The following CNOT6L variants were observed in gnomAD, a reference collection of about 807,000 sequenced individuals.
CNOT6L encodes CCR4-NOT transcription complex subunit 6 like.
A neutral mutation model predicts 64.0 loss-of-function variants in CNOT6L; 7 were observed. That is an observed-to-expected ratio of 0.11 (90% CI 0.06 to 0.21). The LOEUF (loss-of-function observed/expected upper bound fraction) is 0.21. Ranked by LOEUF, CNOT6L falls within the 10% of genes least tolerant of loss-of-function variation. The pLI is 1.00. For synonymous variants in CNOT6L, 193 were observed against 243.4 expected, an observed-to-expected ratio of 0.79 and a Z score of 1.93; for missense variants, 245 against 669.0, an observed-to-expected ratio of 0.37 and a Z score of 6.99.
intron 6 of CNOT6L, among the ~76,000 whole-genome samples, chr4:77,746,263 C>G (rs888428436): frequency 6.6e-6 from 1 of 152,204 alleles, no homozygotes; most frequent in Admixed American, 6.5e-5. Context: ...GAGAATGAAC[C>G]AGCAATTTTT....
chr4:77,763,926 C>G (rs1726522001), intron 4 of CNOT6L, among the ~76,000 whole-genome samples: 1 of 151,914 alleles, frequency 6.6e-6, no homozygotes, highest in East Asian at 1.9e-4. Context: ...ATACTTAGAC[C>G]GAAACAGTAA....
chr4:77,722,661 T>C (rs555286833), intron 11 of CNOT6L, among the ~76,000 whole-genome samples: 4 of 152,336 alleles, frequency 2.6e-5, no homozygotes, highest in Admixed American at 2.6e-4. Context: ...TAAGACGCTT[T>C]TAATTGAATG....
intron 1 of CNOT6L, among the ~76,000 whole-genome samples, chr4:77,803,144 G>A (rs1235399487): frequency 1.3e-5 from 2 of 151,056 alleles, no homozygotes; most frequent in African/African-American, 4.9e-5. Context: ...GAAAAACAGA[G>A]ACACCCAATA....
At chr4:77,741,070 T>A (rs1457509210) in intron 8 of CNOT6L, among the ~76,000 whole-genome samples, 1 of 152,176 alleles carries the variant, frequency 6.6e-6, no homozygotes. Context: ...AGATACGTAG[T>A]TTTAATAGAA....
chr4:77,747,925 C>T (rs1426434140), intron 6 of CNOT6L, among the ~76,000 whole-genome samples: 4 of 152,146 alleles, frequency 2.6e-5, no homozygotes, highest in Non-Finnish European at 5.9e-5. Flanking sequence ...AAATTTTTCA[C>T]AAGAAATATC....
intron 1 of CNOT6L, among the ~76,000 whole-genome samples, chr4:77,815,597 T>C (rs1302588419): frequency 6.6e-6 from 1 of 152,228 alleles, no homozygotes; most frequent in Non-Finnish European, 1.5e-5. Flanking sequence ...ATGCCCCTTG[T>C]AGCAGAGATG....
intron 1 of CNOT6L, among the ~76,000 whole-genome samples, chr4:77,799,965 A>G (rs924569320): frequency 6.6e-6 from 1 of 152,134 alleles, no homozygotes; most frequent in African/African-American, 2.4e-5. Flanking sequence ...CCTCTCTGGT[A>G]GTACATGGCA....
At chr4:77,768,247 C>G in intron 4 of CNOT6L, among the ~76,000 whole-genome samples, 1 of 151,606 alleles carries the variant, frequency 6.6e-6, no homozygotes, top group Non-Finnish European at 1.5e-5. Flanking sequence ...GGAGGATCAC[C>G]TGAGGTCAGG....
chr4:77,776,329 C>T lies in CNOT6L; in HGVS notation c.69G>A (p.Met23Ile). 6.2e-7 allele frequency: 1 copy of T among 1,611,134 alleles called. No homozygotes were observed. Among genetic ancestry groups the T allele is most frequent in the Non-Finnish European group, 8.5e-7 (1 of 1,178,954 alleles). The change falls in exon 2 of 12, where the codon ATG becomes ATA. Residue 23 changes from methionine to isoleucine, a missense_variant. Met to Ile is a conservative substitution (Grantham distance 10). Around this residue, in one of 10 missense-constraint regions of CNOT6L, gnomAD observed 78 missense variants for 137.6 expected, o/e 0.57. Transcript: ENST00000504123. ...PPDPRRIYTIMSAEEVANGKK... is the reference protein window; with the variant it reads ...PPDPRRIYTIISAEEVANGKK... ...TCCCATTGGCTACCTCCTCTGCTGACATGATGGTATAAATTCTGCGAGGAT... is the reference window on the plus strand; with the variant it reads ...TCCCATTGGCTACCTCCTCTGCTGATATGATGGTATAAATTCTGCGAGGAT...
At chr4:77,732,876 T>C (rs1459162852) in intron 8 of CNOT6L, among the ~76,000 whole-genome samples, 1 of 152,102 alleles carries the variant, frequency 6.6e-6, no homozygotes, top group African/African-American at 2.4e-5. Flanking sequence ...CATGGTATCA[T>C]TTGATTTATG....
chr4:77,742,766 C>T (rs1723728015), intron 7 of CNOT6L, among the ~76,000 whole-genome samples: 1 of 152,120 alleles, frequency 6.6e-6, no homozygotes, highest in African/African-American at 2.4e-5. Context: ...ACAAAAAATT[C>T]TACTTTAAGA....
intron 1 of CNOT6L, among the ~76,000 whole-genome samples, chr4:77,807,083 G>A (rs896319083): frequency 2.0e-5 from 3 of 151,836 alleles, no homozygotes; most frequent in Non-Finnish European, 4.4e-5. Flanking sequence ...CACCATGTTG[G>A]CCAGGATGGT....
rs189114001 is a variant in CNOT6L, at chr4:77,722,331, C to T, written c.1456-1688G>A. Among the ~76,000 whole-genome samples, 45 of 152,102 alleles carry T rather than the reference C, an allele frequency of 3.0e-4. No homozygotes were observed. The East Asian group carries it at 7.8e-3, about 26-fold the overall frequency. On this transcript the variant is annotated intron_variant, in intron 11 of 11. Coordinates refer to ENST00000504123, the MANE Select transcript of CNOT6L (RefSeq NM_144571.3). ...ATCCCAGCACTTTCAGAGGCCAAGGCGGGCAGATCACTTGAGGCCAGGAGT... is the reference window on the plus strand; with the variant it reads ...ATCCCAGCACTTTCAGAGGCCAAGGTGGGCAGATCACTTGAGGCCAGGAGT...
chr4:77,716,768 T>C lies in CNOT6L; in HGVS notation c.*3663A>G, dbSNP rs1324951878. On this transcript the variant is annotated 3_prime_UTR_variant, in exon 12 of 12. Transcript: ENST00000504123. ...GGGCAAATAAGAAACAGCTTTTATATTTTTGCCAACTACACTAAAACACAG... is the reference window on the plus strand; with the variant it reads ...GGGCAAATAAGAAACAGCTTTTATACTTTTGCCAACTACACTAAAACACAG... The C allele has an allele frequency of 6.6e-6, 1 of 152,544 alleles. No individual in the cohort carries two copies. Among genetic ancestry groups the C allele is most frequent in the Non-Finnish European group, 1.5e-5 (1 of 68,012 alleles). The allele number at this position is 152,544 out of a possible 1,614,324, so 9.4% of individuals were successfully genotyped here. A position where few individuals can be genotyped will look rare whatever the true frequency, so the allele number is the denominator to read the frequency against.
chr4:77,719,812 T>C lies in CNOT6L; in HGVS notation c.*619A>G, dbSNP rs562303709. 1 of 152,650 alleles carries C rather than the reference T, an allele frequency of 6.6e-6. No homozygotes were observed. Among genetic ancestry groups the C allele is most frequent in the African/African-American group, 2.4e-5 (1 of 41,466 alleles). 9.5% of individuals were successfully genotyped at this position (152,650 alleles called of 1,614,324 possible). A position where few individuals can be genotyped will look rare whatever the true frequency, so the allele number is the denominator to read the frequency against. ...CCAGCATTTGGCCAACAAATTGTCA[T>C]GTGGTGTTACATGCTGGATTATAAA... On this transcript the variant is annotated 3_prime_UTR_variant, in exon 12 of 12. Coordinates refer to ENST00000504123, the MANE Select transcript of CNOT6L (RefSeq NM_144571.3).
At chr4:77,779,469 T>C (rs1312197941) in intron 1 of CNOT6L, among the ~76,000 whole-genome samples, 1 of 152,180 alleles carries the variant, frequency 6.6e-6, no homozygotes, top group Non-Finnish European at 1.5e-5. Flanking sequence ...ACAGATATTA[T>C]ATAGAACTAG....
At chr4:77,787,678 C>G (rs1008865737) in intron 1 of CNOT6L, among the ~76,000 whole-genome samples, 1 of 152,210 alleles carries the variant, frequency 6.6e-6, no homozygotes, top group Non-Finnish European at 1.5e-5. Context: ...ACTACACTAT[C>G]TATTTCTAAA....
At chr4:77,818,164 TG>T (rs1277016851) in intron 1 of CNOT6L, among the ~76,000 whole-genome samples, 1 of 152,190 alleles carries the variant, frequency 6.6e-6, no homozygotes, top group African/African-American at 2.4e-5. Context: ...TACGGTAAAA[TG>T]TAACACTGTG....
chr4:77,724,133 C>T (rs952489255), intron 11 of CNOT6L, among the ~76,000 whole-genome samples: 2 of 151,190 alleles, frequency 1.3e-5, no homozygotes, highest in African/African-American at 4.9e-5. Flanking sequence ...AAAATTAGCC[C>T]AAGACCAGCC....
Sources: allele counts gnomAD v4.1 joint callset (sites outside exome capture counted in the v4.1 genomes callset), GRCh38; gene constraint gnomAD v4.1.1; regional missense constraint gnomAD v4.1.1; transcripts MANE v1.5; gene names NCBI Gene and HGNC (gene_info 2026-07-23, HGNC 2026-07-21).